The following ITIH4 variants were observed in gnomAD, a reference collection of about 807,000 sequenced individuals.
ITIH4 encodes inter-alpha-trypsin inhibitor heavy chain H4.
A neutral mutation model predicts 111.8 loss-of-function variants in ITIH4; 79 were observed. That is an observed-to-expected ratio of 0.71 (90% CI 0.59 to 0.85). The LOEUF is 0.85. Ranked by LOEUF, ITIH4 falls within the 40% of genes least tolerant of loss-of-function variation. The pLI is 0.00. For synonymous variants in ITIH4, 472 were observed against 468.3 expected (o/e 1.01, Z -0.10); for missense variants, 1,065 against 1,195.8 (o/e 0.89, Z 1.61).
chr3:52,816,898 G>A lies in ITIH4; in HGVS notation c.2457C>T (p.Phe819=), dbSNP rs780264350. 3 of 1,613,780 alleles carry A rather than the reference G, an allele frequency of 1.9e-6. No homozygotes were observed. Among genetic ancestry groups the A allele is most frequent in the Non-Finnish European group, 2.5e-6 (3 of 1,179,844 alleles). The part of the protein sequence containing the change: ...SSAYKWKETL[F]SVMPGLKMTM... ...CTGGGCCTTACCCGGGCATCACTGA[G>A]AATAGCGTCTCCTTCCACTTGTACG... is the stretch of plus-strand genomic sequence containing the variant. The change falls in exon 21 of 24, where the codon TTC becomes TTT. Residue 819 remains phenylalanine, a synonymous_variant. Coordinates refer to ENST00000266041, the MANE Select transcript of ITIH4 (RefSeq NM_002218.5).
chr3:52,829,066 G>T, intron 2 of ITIH4, 53 bp downstream of exon 2: 1 of 1,449,940 alleles, frequency 6.9e-7, no homozygotes, highest in Non-Finnish European at 9.4e-7. Context: ...CAGAGCGATG[G>T]AGTCATAGCA....
Position 52,826,546 on chromosome 3 carries a change from T to C in ITIH4, c.625A>G (p.Thr209Ala). 6.2e-7 allele frequency: 1 copy of C among 1,612,816 alleles called. No homozygotes were observed. The highest frequency in any genetic ancestry group is 8.5e-7 in the Non-Finnish European group (1 of 1,178,920). The change falls in exon 5 of 24, where the codon ACC becomes GCC. Residue 209 changes from threonine to alanine, a missense_variant. Transcript: ENST00000266041. ...VDALTTWQNK[T>A]KAHIRFKPTL... ...GCTGACCACAACAGGCCCACCTTGG[T>C]CTTATTCTGCCAGGTGGTGAGGGCG...
chr3:52,819,913 C>A, intron 15 of ITIH4, 27 bp downstream of exon 15: 1 of 1,611,944 alleles, frequency 6.2e-7, no homozygotes, highest in East Asian at 2.2e-5. Context: ...TGTCAATCTC[C>A]CCTCCCCCCA....
At chr3:52,827,803 T>C (rs540753297) in intron 2 of ITIH4, among the ~76,000 whole-genome samples, 1 of 152,324 alleles carries the variant, frequency 6.6e-6, no homozygotes, top group South Asian at 2.1e-4. Flanking sequence ...CTCCTGGGTG[T>C]GTGGACACAC....
intron 17 of ITIH4, 67 bp downstream of exon 17, chr3:52,819,326 T>G (rs1700331329): frequency 6.3e-6 from 10 of 1,595,690 alleles, no homozygotes; most frequent in Non-Finnish European, 8.6e-6. Context: ...CCCACCCCCC[T>G]CTATGGGGCA....
At chr3:52,817,995 G>T in intron 20 of ITIH4, 57 bp downstream of exon 20, 2 of 1,298,870 alleles carry the variant, frequency 1.5e-6, no homozygotes, top group Non-Finnish European at 2.2e-6. Flanking sequence ...GTCTCTGTAG[G>T]CAGGTGGTGG....
Position 52,814,004 on chromosome 3 carries a change from C to A in ITIH4, c.2694G>T (p.Arg898Ser). The part of the protein sequence containing the change: ...AASDDGRRTL[R>S]VQGNDHSATR... ...TGGCAGAGTGGTCATTGCCCTGAACCCTCAGCGTGCGTCTGCCGTCATCTG... is the reference window on the plus strand; with the variant it reads ...TGGCAGAGTGGTCATTGCCCTGAACACTCAGCGTGCGTCTGCCGTCATCTG... Residue 898 changes from arginine (R) to serine (S), a missense_variant, in exon 23 of 24, where the codon AGG (arginine) becomes AGT (serine). Physicochemically the swap from Arg to Ser is moderately radical, Grantham distance 110. Coordinates refer to ENST00000266041, the MANE Select transcript of ITIH4 (RefSeq NM_002218.5). The A allele has an allele frequency of 6.2e-7, 1 of 1,613,566 alleles. No homozygotes were observed. Among genetic ancestry groups the A allele is most frequent in the Non-Finnish European group, 8.5e-7 (1 of 1,179,908 alleles).
chr3:52,814,403 CG>C (rs1700243096), intron 21 of ITIH4, 40 bp from the exon 22 acceptor site: 1 of 1,590,126 alleles, frequency 6.3e-7, no homozygotes, highest in African/African-American at 1.3e-5. Context: ...AAGGTAGAGA[CG>C]TGTGCACAGA....
intron 21 of ITIH4, among the ~76,000 whole-genome samples, chr3:52,815,551 TTA>T (rs920779545): frequency 6.6e-6 from 1 of 152,104 alleles, no homozygotes; most frequent in Non-Finnish European, 1.5e-5. Flanking sequence ...CTATTTTTCT[TTA>T]TGTCTTCTGT....
chr3:52,826,720 CAA>C, intron 4 of ITIH4, 69 bp from the exon 5 acceptor site: 1 of 1,611,886 alleles, frequency 6.2e-7, no homozygotes, highest in African/African-American at 1.3e-5. Context: ...GGCTCAGGGA[CAA>C]AGAGGGGCCG....
chr3:52,823,556 C>T lies in ITIH4; in HGVS notation c.1539G>A (p.Leu513=), dbSNP rs1365308430. 6.2e-7 allele frequency: 1 copy of T among 1,601,340 alleles called. No individual in the cohort carries two copies. The highest frequency in any genetic ancestry group is 1.7e-5 in the Admixed American group (1 of 58,042). ...DVLTATVSGK[L]PTQNITFQTE... ...CCAGGGTGGCTTTGGCCACACTCAC[C>T]AGCTTCCCACTGACTGTGGCTGTGA... Residue 513 remains leucine (L), a splice_region_variant and synonymous_variant, in exon 11 of 24, where the codon CTG becomes CTA. Coordinates refer to ENST00000266041, the MANE Select transcript of ITIH4 (RefSeq NM_002218.5).
rs535747696 is a variant in ITIH4, at chr3:52,820,320, G to A, written c.1835-3C>T. Reference sequence around the variant, plus strand: ...GTGGACATTCCTGTTTCTACTTTCTGGATAAAACAAAGAGAGAGAGAGAGA... The same window carrying A: ...GTGGACATTCCTGTTTCTACTTTCTAGATAAAACAAAGAGAGAGAGAGAGA... On this transcript the variant is annotated splice_region_variant and splice_polypyrimidine_tract_variant and intron_variant, in intron 13 of 23. Transcript: ENST00000266041. 7 of 1,613,748 alleles carry A rather than the reference G, an allele frequency of 4.3e-6. No individual in the cohort carries two copies. In the South Asian group the frequency reaches 5.5e-5, roughly 13 times the overall value.
intron 20 of ITIH4, 27 bp downstream of exon 20, chr3:52,818,025 G>T: frequency 6.5e-7 from 1 of 1,547,056 alleles, no homozygotes; most frequent in South Asian, 1.1e-5. Flanking sequence ...AGTGGTGTCT[G>T]GGTCTCTCTG....
chr3:52,824,653 CA>C lies in ITIH4; in HGVS notation c.877-89del. 7.0e-7 allele frequency: 1 copy of C among 1,420,120 alleles called. No individual in the cohort carries two copies. The highest frequency in any genetic ancestry group is 9.6e-7 in the Non-Finnish European group (1 of 1,039,678). The allele number at this position is 1,420,120 out of a possible 1,614,324, so 88.0% of individuals were successfully genotyped here. On this transcript the variant is annotated intron_variant, in intron 7 of 23. Coordinates refer to ENST00000266041, the MANE Select transcript of ITIH4 (RefSeq NM_002218.5). The surrounding 1 kb of genome is among the most constrained non-coding windows in gnomAD (Gnocchi z 4.3). ...GGCTGGCATCCTTGGACTCCTGTCT[CA>C]GGGGTGAGGTCATGGTATCTGCTCT...
At chr3:52,814,472 G>C in intron 21 of ITIH4, 109 bp from the exon 22 acceptor site, 1 of 955,242 alleles carries the variant, frequency 1.0e-6, no homozygotes, top group Non-Finnish European at 1.6e-6. Context: ...AGGAAGTCAC[G>C]GAGTGGCCTT....
rs375127407 is a variant in ITIH4 at position 52,814,447 on chromosome 3, C to T, written c.2472-84G>A. On this transcript the variant is annotated intron_variant, in intron 21 of 23. Coordinates refer to ENST00000266041, the MANE Select transcript of ITIH4 (RefSeq NM_002218.5). ...TAGTCAGGGTGGGGAGTGGGCTGGG[C>T]TTCCCCTCTTGTCCAGGAAGTCACG... is the stretch of plus-strand genomic sequence containing the variant. The T allele has an allele frequency of 5.6e-5, 68 of 1,222,214 alleles. 2 individuals carry two copies. Among genetic ancestry groups the T allele is most frequent in the East Asian group, 2.6e-4 (11 of 42,348 alleles). 75.7% of individuals were successfully genotyped at this position (1,222,214 alleles called of 1,614,324 possible).
In ITIH4 at chr3:52,824,367, C is replaced by T; in HGVS notation, c.1045+30G>A. ...TCCCCAGCCAGGAGCCCTGGAAGCCCCCACCCTGCAGGGCCACAGAGACAC... is the reference window on the plus strand; with the variant it reads ...TCCCCAGCCAGGAGCCCTGGAAGCCTCCACCCTGCAGGGCCACAGAGACAC... On this transcript the variant is annotated intron_variant, in intron 8 of 23. Transcript: ENST00000266041. The surrounding 1 kb of genome is among the most constrained non-coding windows in gnomAD (Gnocchi z 4.3). 6.2e-7 allele frequency: 1 copy of T among 1,612,714 alleles called. No individual in the cohort carries two copies. Among genetic ancestry groups the T allele is most frequent in the South Asian group, 1.1e-5 (1 of 91,058 alleles).
Position 52,813,276 on chromosome 3 carries a change from A to G in ITIH4, c.*145T>C. 1.3e-6 allele frequency: 1 copy of G among 741,022 alleles called. No individual in the cohort carries two copies. Among genetic ancestry groups the G allele is most frequent in the Non-Finnish European group, 2.4e-6 (1 of 422,828 alleles). The allele number at this position is 741,022 out of a possible 1,614,324, so 45.9% of individuals were successfully genotyped here. ...GATTTGGCCACATGGAACTGGAGAC[A>G]CCCACTTCCCAGGCTCACACCACCT... is the stretch of plus-strand genomic sequence containing the variant. On this transcript the variant is annotated 3_prime_UTR_variant, in exon 24 of 24. Coordinates refer to ENST00000266041, the MANE Select transcript of ITIH4 (RefSeq NM_002218.5).
intron 13 of ITIH4, 46 bp from the exon 14 acceptor site, chr3:52,820,363 AG>A (rs1700358939): frequency 6.3e-7 from 1 of 1,592,152 alleles, no homozygotes; most frequent in African/African-American, 1.3e-5. Context: ...ACAGAGACAC[AG>A]ACAGACACCG....
Sources: gnomAD v4.1 joint callset for allele counts (sites outside exome capture counted in the v4.1 genomes callset) on GRCh38, gnomAD v4.1.1 for gene constraint, Gnocchi (gnomAD v3.1) non-coding constraint, MANE v1.5 for transcripts, NCBI Gene and HGNC (gene_info 2026-07-23, HGNC 2026-07-21) for gene names.